The following PSD3 variants were observed in gnomAD, a reference collection of about 807,000 sequenced individuals.
PSD3 encodes pleckstrin and Sec7 domain containing 3.
In PSD3, 49 loss-of-function variants were observed where a neutral mutation model predicts 105.5. That is an observed-to-expected ratio of 0.46 (90% confidence interval 0.37 to 0.59). The LOEUF (loss-of-function observed/expected upper bound fraction) is 0.59, where lower values mean the gene tolerates loss of function less well. PSD3 is among the 20% of genes least tolerant of loss of function. The probability of loss-of-function intolerance (pLI) is 0.00; values close to 1 mark genes in which losing one functional copy is unlikely to be tolerated. For synonymous variants in PSD3, 557 were observed against 457.8 expected, an observed-to-expected ratio of 1.22 and a Z score of -2.77; for missense variants, 1,561 against 1,263.8, an observed-to-expected ratio of 1.24 and a Z score of -3.57.
chr8:18,903,341 G>A (rs375602275), intron 2 of PSD3, among the ~76,000 whole-genome samples: 4 of 152,112 alleles, frequency 2.6e-5, no homozygotes, highest in Admixed American at 1.3e-4. Context: ...GGCAGTGATC[G>A]TCAGCATCTG....
chr8:18,818,199 T>C (rs147563550), intron 4 of PSD3, among the ~76,000 whole-genome samples: 1,969 of 152,160 alleles, frequency 0.013, 49 homozygotes, highest in African/African-American at 0.045. Flanking sequence ...TGGTGATCCA[T>C]CCGCCTCGGC....
intron 9 of PSD3, among the ~76,000 whole-genome samples, chr8:18,688,004 G>A (rs1800756673): frequency 6.6e-6 from 1 of 152,018 alleles, no homozygotes. Flanking sequence ...CCTAACCTCA[G>A]GTAATCCACC....
At chr8:19,069,526 C>T (rs1563542987) in intron 1 of PSD3, among the ~76,000 whole-genome samples, 1 of 152,174 alleles carries the variant, frequency 6.6e-6, no homozygotes, top group African/African-American at 2.4e-5. Flanking sequence ...GTGGATCTTC[C>T]TTTCTAGTAA....
chr8:18,991,373 TACACACACACAC>T (rs71545538), intron 1 of PSD3, among the ~76,000 whole-genome samples: 44 of 100,008 alleles, frequency 4.4e-4, no homozygotes, highest in African/African-American at 1.6e-3. Context: ...CACACACACA[TACACACACACAC>T]ACACACACAC....
At chr8:19,017,338 C>T (rs1024641980), upstream of PSD3, among the ~76,000 whole-genome samples, 3 of 152,066 alleles carry the variant, frequency 2.0e-5, no homozygotes, top group Admixed American at 6.6e-5. Context: ...CATGAGTGAC[C>T]GTGCCCAGCC....
chr8:18,788,381 C>T (rs1005919070), intron 8 of PSD3, among the ~76,000 whole-genome samples: 1 of 152,194 alleles, frequency 6.6e-6, no homozygotes, highest in African/African-American at 2.4e-5. Context: ...CGGCACCAAA[C>T]TCAGCAAGCG....
intron 9 of PSD3, among the ~76,000 whole-genome samples, chr8:18,752,625 TTATATATAATA>T (rs1805685883): frequency 3.3e-5 from 3 of 91,518 alleles, no homozygotes; most frequent in South Asian, 5.2e-4. Context: ...ATAATATATA[TTATATATAATA>T]TATATAATAT....
chr8:18,588,954 T>C (rs2130476456), intron 12 of PSD3, among the ~76,000 whole-genome samples: 1 of 152,288 alleles, frequency 6.6e-6, no homozygotes, highest in Non-Finnish European at 1.5e-5. Flanking sequence ...GGCTAGGTAT[T>C]CAGAGAAACG....
intron 10 of PSD3, among the ~76,000 whole-genome samples, chr8:18,644,480 T>C (rs1168586624): frequency 6.6e-6 from 1 of 152,228 alleles, no homozygotes; most frequent in African/African-American, 2.4e-5. Context: ...GGACAGTCTT[T>C]ACTCCAGTTT....
At chr8:18,581,264 A>C (rs886557137) in intron 12 of PSD3, among the ~76,000 whole-genome samples, 1 of 152,192 alleles carries the variant, frequency 6.6e-6, no homozygotes, top group African/African-American at 2.4e-5. Flanking sequence ...AGCACATATG[A>C]ACTATTAGTA....
chr8:18,886,851 A>T (rs1818478039), intron 2 of PSD3: 2 of 152,264 alleles, frequency 1.3e-5, no homozygotes, highest in Admixed American at 1.3e-4. Context: ...CTGCTGCCTC[A>T]GTCCCTCTCA....
At chr8:18,808,728 G>A (rs755840978) in intron 4 of PSD3, 1 of 1,613,838 alleles carries the variant, frequency 6.2e-7, no homozygotes, top group South Asian at 1.1e-5. Flanking sequence ...CAGAAAGCTT[G>A]ACAATATGAT....
Position 18,656,709 on chromosome 8 carries a change from C to T in PSD3, c.2173-1024G>A, listed in dbSNP as rs537298457. The stretch of plus-strand genomic sequence containing the variant: ...CAGCTTGTTCCACTATACCAACTAC[C>T]GAGAAACATTTTTTTAAGACACAGG... On this transcript the variant is annotated intron_variant, in intron 9 of 15. Coordinates refer to ENST00000327040, the MANE Select transcript of PSD3 (RefSeq NM_015310.4). Among the ~76,000 whole-genome samples the T allele has an allele frequency of 2.0e-5, 3 of 152,182 alleles. No homozygotes were observed. In the East Asian group the frequency reaches 5.8e-4, roughly 29 times the overall value.
chr8:18,812,229 G>T (rs991533503), intron 4 of PSD3, among the ~76,000 whole-genome samples: 1 of 152,174 alleles, frequency 6.6e-6, no homozygotes, highest in Admixed American at 6.5e-5. Flanking sequence ...ATGATGAGGA[G>T]AGCTGTGTTT....
chr8:19,034,827 C>T (rs950447900), intron 1 of PSD3, among the ~76,000 whole-genome samples: 1 of 152,188 alleles, frequency 6.6e-6, no homozygotes, highest in African/African-American at 2.4e-5. Context: ...AACTCCCGTT[C>T]TTCCACTTCA....
intron 15 of PSD3, among the ~76,000 whole-genome samples, chr8:18,553,890 T>C (rs1800921018): frequency 6.6e-6 from 1 of 152,118 alleles, no homozygotes; most frequent in Admixed American, 6.5e-5. Flanking sequence ...GACAGACAAG[T>C]CAACCTGCTT....
At chr8:18,575,925 G>A (rs529011593) in intron 12 of PSD3, among the ~76,000 whole-genome samples, 1 of 152,258 alleles carries the variant, frequency 6.6e-6, no homozygotes, top group East Asian at 1.9e-4. Flanking sequence ...GCTACCAACT[G>A]TTAGATATTT....
intron 2 of PSD3, among the ~76,000 whole-genome samples, chr8:18,930,155 G>C (rs907852798): frequency 6.6e-6 from 1 of 152,132 alleles, no homozygotes; most frequent in Non-Finnish European, 1.5e-5. Context: ...CATACAGCAA[G>C]AACACAAGAC....
intron 8 of PSD3, among the ~76,000 whole-genome samples, chr8:18,778,797 G>A (rs932465163): frequency 1.3e-5 from 2 of 151,824 alleles, no homozygotes; most frequent in Non-Finnish European, 2.9e-5. Context: ...ACCATCCCTG[G>A]AATAAAACCC....
Sources: allele counts gnomAD v4.1 joint callset (sites outside exome capture counted in the v4.1 genomes callset), GRCh38; gene constraint gnomAD v4.1.1; transcripts MANE v1.5; gene names NCBI Gene and HGNC (gene_info 2026-07-23, HGNC 2026-07-21).